LRRC18: variants seen among roughly 807,000 people sequenced by gnomAD.
The protein encoded by LRRC18 is leucine-rich repeat-containing protein 18.
In LRRC18, 12 loss-of-function variants were observed where a neutral mutation model predicts 11.2. The ratio of observed to expected loss-of-function variants is 1.07; its 90% CI spans 0.69 to 1.74. LRRC18 has a LOEUF of 1.74. LRRC18 is among the 40% of genes most tolerant of loss of function. The probability of loss-of-function intolerance (pLI) is 0.00; values close to 1 mark genes in which losing one functional copy is unlikely to be tolerated. For synonymous variants in LRRC18, 155 were observed against 130.6 expected (o/e 1.19, Z -1.27); for missense variants, 374 against 330.5 (o/e 1.13, Z -1.02).
At chr10:48,934,276 T>C in the LRRC18 span, among the ~76,000 whole-genome samples, 1 of 152,238 alleles carries the variant, frequency 6.6e-6, no homozygotes. Flanking sequence ...CACTACCTAC[T>C]TTTTAGCACA....
At chr10:48,914,559 G>C (rs1838329970), upstream of LRRC18, among the ~76,000 whole-genome samples, 1 of 152,176 alleles carries the variant, frequency 6.6e-6, no homozygotes, top group African/African-American at 2.4e-5. Context: ...CCATGTGTGT[G>C]TGTTCTTGGA....
At chr10:48,925,331 G>A in the LRRC18 span, among the ~76,000 whole-genome samples, 1 of 152,152 alleles carries the variant, frequency 6.6e-6, no homozygotes, top group Non-Finnish European at 1.5e-5. Flanking sequence ...GTCCATGGGA[G>A]GTGGAGACCT....
At chr10:48,914,855 T>A (rs553697619), upstream of LRRC18, among the ~76,000 whole-genome samples, 7 of 152,264 alleles carry the variant, frequency 4.6e-5, no homozygotes, top group African/African-American at 1.7e-4. Flanking sequence ...TAACTCCCCA[T>A]CATGAGCACA....
chr10:48,928,605 C>G, the LRRC18 span, among the ~76,000 whole-genome samples: 2 of 152,198 alleles, frequency 1.3e-5, no homozygotes, highest in Non-Finnish European at 2.9e-5. Flanking sequence ...CTCCTTTGAG[C>G]TGCACAGGCC....
intron 1 of LRRC18, among the ~76,000 whole-genome samples, chr10:48,912,643 G>A (rs1838112717): frequency 6.6e-6 from 1 of 152,214 alleles, no homozygotes; most frequent in Non-Finnish European, 1.5e-5. Context: ...GTAAGGTGTT[G>A]ATTTATTGAA....
At chr10:48,930,451 C>T in the LRRC18 span, among the ~76,000 whole-genome samples, 1 of 152,126 alleles carries the variant, frequency 6.6e-6, no homozygotes, top group Non-Finnish European at 1.5e-5. Context: ...CACTATGGGG[C>T]TGGAGAGTGA....
the LRRC18 span, among the ~76,000 whole-genome samples, chr10:48,923,588 A>G: frequency 6.6e-6 from 1 of 150,550 alleles, no homozygotes; most frequent in Non-Finnish European, 1.5e-5. Flanking sequence ...GTAAATTTTC[A>G]TTTATCTATG....
At chr10:48,939,184 C>T in the LRRC18 span, among the ~76,000 whole-genome samples, 6 of 152,148 alleles carry the variant, frequency 3.9e-5, no homozygotes, top group Non-Finnish European at 7.4e-5. Flanking sequence ...AGGTCTTGAC[C>T]AGAAGCAGGC....
chr10:48,913,407 G>A (rs1456340486), exon 1 of LRRC18: 2 of 1,611,612 alleles, frequency 1.2e-6, no homozygotes, highest in East Asian at 4.5e-5. Flanking sequence ...GTCTTCCCAG[G>A]AGTCCTTGGC....
At chr10:48,924,499 G>C in the LRRC18 span, among the ~76,000 whole-genome samples, 1 of 152,244 alleles carries the variant, frequency 6.6e-6, no homozygotes, top group Non-Finnish European at 1.5e-5. Flanking sequence ...TGGGCGAATA[G>C]ACAGACGAAT....
At chr10:48,938,174 C>T in the LRRC18 span, among the ~76,000 whole-genome samples, 10 of 152,204 alleles carry the variant, frequency 6.6e-5, no homozygotes, top group Admixed American at 4.6e-4. Flanking sequence ...TTACCATGTC[C>T]TCAAAACTGT....
At chr10:48,922,381 G>A in the LRRC18 span, among the ~76,000 whole-genome samples, 1 of 152,182 alleles carries the variant, frequency 6.6e-6, no homozygotes, top group Non-Finnish European at 1.5e-5. Flanking sequence ...ATGCCAAAGA[G>A]AGAGATGCCT....
At chr10:48,922,795 C>A in the LRRC18 span, among the ~76,000 whole-genome samples, 1 of 152,166 alleles carries the variant, frequency 6.6e-6, no homozygotes, top group African/African-American at 2.4e-5. Context: ...CAAACGTCTA[C>A]ATGAATGGAA....
At chr10:48,929,949 T>C in the LRRC18 span, among the ~76,000 whole-genome samples, 1 of 152,100 alleles carries the variant, frequency 6.6e-6, no homozygotes, top group Non-Finnish European at 1.5e-5. Flanking sequence ...TCTCCTCCAA[T>C]AGCATCTGGC....
At chr10:48,912,102 C>T (rs78253397) in intron 1 of LRRC18, among the ~76,000 whole-genome samples, 3,625 of 152,266 alleles carry the variant, frequency 0.024, 152 homozygotes, top group African/African-American at 0.081. Context: ...TTTCTTTTAC[C>T]CACATGAAGG....
the LRRC18 span, among the ~76,000 whole-genome samples, chr10:48,938,696 C>T: frequency 6.6e-6 from 1 of 152,208 alleles, no homozygotes. Flanking sequence ...CAGTAGCGCT[C>T]AAGCTTCTGA....
the LRRC18 span, among the ~76,000 whole-genome samples, chr10:48,932,997 C>T: frequency 8.5e-5 from 13 of 152,050 alleles, no homozygotes; most frequent in African/African-American, 2.9e-4. Flanking sequence ...AACATAAGGC[C>T]TTCTATAAGG....
the LRRC18 span, among the ~76,000 whole-genome samples, chr10:48,933,142 G>A: frequency 2.0e-5 from 3 of 152,170 alleles, no homozygotes; most frequent in African/African-American, 7.2e-5. Context: ...CAGGCTCTGT[G>A]GTGGAAGCAG....
intron 1 of LRRC18, among the ~76,000 whole-genome samples, chr10:48,912,310 C>T (rs977162066): frequency 6.6e-6 from 1 of 152,206 alleles, no homozygotes; most frequent in South Asian, 2.1e-4. Context: ...CATGTGCTGC[C>T]TGTTTTAGAG....
Sources: gnomAD v4.1 joint callset for allele counts (sites outside exome capture counted in the v4.1 genomes callset) on GRCh38, gnomAD v4.1.1 for gene constraint, MANE v1.5 for transcripts, NCBI Gene and HGNC (gene_info 2026-07-23, HGNC 2026-07-21) for gene names.